The following PAPPA2 variants were observed in gnomAD, a reference collection of about 807,000 sequenced individuals.
The protein encoded by PAPPA2 is pappalysin-2.
A neutral mutation model predicts 176.4 loss-of-function variants in PAPPA2; 86 were observed. The observed-to-expected ratio is 0.49, with a 90% CI of 0.41 to 0.58. PAPPA2 has a LOEUF of 0.58. Ranked by LOEUF, PAPPA2 falls within the 20% of genes least tolerant of loss-of-function variation. The pLI is 0.00. For missense variants in PAPPA2, 2,073 were observed against 2,256.9 expected (o/e 0.92, Z 1.65); for synonymous variants, 809 against 852.2 (o/e 0.95, Z 0.88).
chr1:176,559,264 A>C (rs888241896), intron 2 of PAPPA2, among the ~76,000 whole-genome samples: 2 of 152,192 alleles, frequency 1.3e-5, no homozygotes, highest in African/African-American at 4.8e-5. Context: ...TTCAAATCAA[A>C]GTGTCCCTTG....
chr1:176,659,377 C>T (rs10913236), intron 3 of PAPPA2, among the ~76,000 whole-genome samples: 26,528 of 152,026 alleles, frequency 0.17, 2,470 homozygotes, highest in Middle Eastern at 0.23. Flanking sequence ...GATATTCATT[C>T]TGTATCTCCA....
intron 1 of PAPPA2, among the ~76,000 whole-genome samples, chr1:176,529,263 G>T (rs1323432794): frequency 1.3e-5 from 2 of 152,084 alleles, no homozygotes; most frequent in African/African-American, 4.8e-5. Context: ...AGAGAGTGCA[G>T]CCAGCAGCCC....
rs182457070 is a variant in PAPPA2 at position 176,601,926 on chromosome 1, G to A, written c.1991+6331G>A. On this transcript the variant is annotated intron_variant, in intron 3 of 22. Transcript: ENST00000367662. Reference sequence around the variant, plus strand: ...CCATCCCATGCTTTCTCTCCTTTTCGCAATAGAGTTGAGCAAGTATTTCAT... The same window carrying A: ...CCATCCCATGCTTTCTCTCCTTTTCACAATAGAGTTGAGCAAGTATTTCAT... 9.9e-5 allele frequency among the ~76,000 whole-genome samples: 15 copies of A among 152,138 alleles called. No homozygotes were observed. In the South Asian group the frequency reaches 1.5e-3, roughly 15 times the overall value.
At chr1:176,803,513 A>G (rs1165632715) in intron 21 of PAPPA2, among the ~76,000 whole-genome samples, 3 of 152,184 alleles carry the variant, frequency 2.0e-5, no homozygotes, top group African/African-American at 7.2e-5. Flanking sequence ...ATAATTCACA[A>G]ATGACTTGGA....
At position 176,555,454 on chromosome 1, in the gene PAPPA2, T is replaced by G. The variant is rs1651223514; in HGVS notation, c.-869T>G. On this transcript the variant is annotated 5_prime_UTR_variant, in exon 2 of 23. Transcript: ENST00000367662. ...GTGAAGTTAAGAGCTCCCAGACTCATAAGGTTATTAGAACAGCAAACTGGC... is the reference window on the plus strand; with the variant it reads ...GTGAAGTTAAGAGCTCCCAGACTCAGAAGGTTATTAGAACAGCAAACTGGC... The G allele has an allele frequency of 6.6e-6, 1 of 152,318 alleles. No individual in the cohort carries two copies. Among genetic ancestry groups the G allele is most frequent in the Middle Eastern group, 3.4e-3 (1 of 294 alleles). 9.4% of individuals were successfully genotyped at this position (152,318 alleles called of 1,614,324 possible). A position where few individuals can be genotyped will look rare whatever the true frequency, so the allele number is the denominator to read the frequency against.
chr1:176,789,411 G>A (rs1340198224), intron 17 of PAPPA2, among the ~76,000 whole-genome samples: 2 of 152,006 alleles, frequency 1.3e-5, no homozygotes, highest in Non-Finnish European at 2.9e-5. Flanking sequence ...GTGGGGTGGG[G>A]GGAGTGGGGA....
chr1:176,741,046 G>A (rs1380143349), intron 14 of PAPPA2, among the ~76,000 whole-genome samples: 1 of 152,110 alleles, frequency 6.6e-6, no homozygotes, highest in Admixed American at 6.6e-5. Context: ...AGACCTCACA[G>A]GGATGGGAGT....
chr1:176,464,367 A>G (rs2102455732), intron 1 of PAPPA2, among the ~76,000 whole-genome samples: 1 of 152,222 alleles, frequency 6.6e-6, no homozygotes, highest in South Asian at 2.1e-4. Context: ...TTTCCTTTCA[A>G]CAAGTATTTA....
intron 3 of PAPPA2, among the ~76,000 whole-genome samples, chr1:176,608,375 C>T (rs1426402245): frequency 6.6e-6 from 1 of 152,156 alleles, no homozygotes; most frequent in Non-Finnish European, 1.5e-5. Context: ...TGTGTTACTT[C>T]TGACAATTGC....
intron 2 of PAPPA2, among the ~76,000 whole-genome samples, chr1:176,564,043 ATC>A (rs1651817929): frequency 6.6e-6 from 1 of 151,912 alleles, no homozygotes; most frequent in African/African-American, 2.4e-5. Flanking sequence ...CCTTTTCAGG[ATC>A]TGTTTATATT....
At chr1:176,545,626 C>G (rs555551925) in intron 1 of PAPPA2, among the ~76,000 whole-genome samples, 1 of 152,052 alleles carries the variant, frequency 6.6e-6, no homozygotes, top group African/African-American at 2.4e-5. Flanking sequence ...TATGCCAATA[C>G]TACATCATTT....
intron 1 of PAPPA2, among the ~76,000 whole-genome samples, chr1:176,515,405 T>C (rs1648852078): frequency 6.6e-6 from 1 of 152,132 alleles, no homozygotes; most frequent in Non-Finnish European, 1.5e-5. Context: ...ACAGTCCCCA[T>C]ATGATCTCAT....
intron 1 of PAPPA2, among the ~76,000 whole-genome samples, chr1:176,517,091 G>T (rs1483466867): frequency 6.6e-6 from 1 of 152,094 alleles, no homozygotes; most frequent in Admixed American, 6.6e-5. Context: ...TATTTATAGA[G>T]ACTCTTCCTT....
chr1:176,808,555 A>G (rs1282786934), intron 21 of PAPPA2, among the ~76,000 whole-genome samples: 1 of 152,224 alleles, frequency 6.6e-6, no homozygotes, highest in African/African-American at 2.4e-5. Flanking sequence ...TTGTTTTAAA[A>G]TTATAGTTAT....
chr1:176,468,341 A>G (rs1388838959), intron 1 of PAPPA2, among the ~76,000 whole-genome samples: 1 of 152,202 alleles, frequency 6.6e-6, no homozygotes, highest in Admixed American at 6.5e-5. Flanking sequence ...CAGCACCAGG[A>G]AAAGCAAATC....
chr1:176,523,576 T>G (rs1649317857), intron 1 of PAPPA2, among the ~76,000 whole-genome samples: 1 of 152,240 alleles, frequency 6.6e-6, no homozygotes, highest in African/African-American at 2.4e-5. Flanking sequence ...TAAACAATTT[T>G]TCTAAGTGAC....
intron 3 of PAPPA2, among the ~76,000 whole-genome samples, chr1:176,620,331 G>A (rs1655514602): frequency 1.3e-5 from 2 of 151,982 alleles, no homozygotes; most frequent in African/African-American, 2.4e-5. Context: ...AGAGAATTTG[G>A]ATTTCTTGTC....
chr1:176,698,398 C>G (rs1660483002), intron 7 of PAPPA2, among the ~76,000 whole-genome samples: 1 of 152,192 alleles, frequency 6.6e-6, no homozygotes, highest in Non-Finnish European at 1.5e-5. Flanking sequence ...CATCACACGA[C>G]AGAAAAGAAA....
At chr1:176,661,077 A>G (rs186676512) in intron 3 of PAPPA2, among the ~76,000 whole-genome samples, 1 of 152,234 alleles carries the variant, frequency 6.6e-6, no homozygotes, top group East Asian at 1.9e-4. Flanking sequence ...ATTCAAAAAC[A>G]GTTCTCACAC....
Sources: gnomAD v4.1 joint callset for allele counts (sites outside exome capture counted in the v4.1 genomes callset) on GRCh38, gnomAD v4.1.1 for gene constraint, MANE v1.5 for transcripts, NCBI Gene and HGNC (gene_info 2026-07-23, HGNC 2026-07-21) for gene names.